The following B3GALT1 variants were observed in gnomAD, a reference collection of about 807,000 sequenced individuals.
B3GALT1 encodes UDP-Gal:betaGlcNAc beta 1,3-galactosyltransferase, polypeptide 1.
In B3GALT1, 10 loss-of-function variants were observed where a neutral mutation model predicts 23.2. The observed-to-expected ratio is 0.43, with a 90% confidence interval of 0.27 to 0.73. The LOEUF (loss-of-function observed/expected upper bound fraction) is 0.73. Ranked by LOEUF, B3GALT1 falls within the 30% of genes least tolerant of loss-of-function variation. The pLI is 0.21. For missense variants in B3GALT1, 299 were observed against 405.4 expected, an observed-to-expected ratio of 0.74 and a Z score of 2.25; for synonymous variants, 156 against 141.5, an observed-to-expected ratio of 1.10 and a Z score of -0.73.
intron 1 of B3GALT1, among the ~76,000 whole-genome samples, chr2:167,438,691 C>T (rs536288034): frequency 2.0e-5 from 3 of 152,230 alleles, no homozygotes; most frequent in African/African-American, 7.2e-5. Context: ...TTCAGGGGCC[C>T]CACAGGGCAG....
intron 1 of B3GALT1, among the ~76,000 whole-genome samples, chr2:167,368,013 C>G (rs987536850): frequency 3.3e-5 from 5 of 152,190 alleles, no homozygotes; most frequent in Non-Finnish European, 7.3e-5. Flanking sequence ...CTGTAGCACT[C>G]TGCTGTGAAT....
At chr2:167,617,625 G>A (rs781023318) in intron 2 of B3GALT1, among the ~76,000 whole-genome samples, 2 of 151,960 alleles carry the variant, frequency 1.3e-5, no homozygotes, top group Non-Finnish European at 2.9e-5. Flanking sequence ...GGAGAAATAG[G>A]CTAGCCCACA....
intron 2 of B3GALT1, among the ~76,000 whole-genome samples, chr2:167,544,248 A>G (rs977997670): frequency 6.6e-5 from 10 of 152,200 alleles, no homozygotes; most frequent in African/African-American, 9.7e-5. Context: ...TCATATAGGT[A>G]CATTGCTGCC....
At chr2:167,570,606 A>C (rs1166957848) in intron 2 of B3GALT1, among the ~76,000 whole-genome samples, 1 of 152,024 alleles carries the variant, frequency 6.6e-6, no homozygotes, top group South Asian at 2.1e-4. Context: ...TTGAATACTC[A>C]GCATTTTTTT....
intron 1 of B3GALT1, among the ~76,000 whole-genome samples, chr2:167,296,655 GT>G (rs1447651160): frequency 6.6e-6 from 1 of 152,084 alleles, no homozygotes; most frequent in East Asian, 1.9e-4. Context: ...TATGATACTG[GT>G]TTATTCAAAT....
chr2:167,444,781 C>T lies in B3GALT1; in HGVS notation c.-510-45396C>T, dbSNP rs866208725. Among the ~76,000 whole-genome samples the T allele has an allele frequency of 1.1e-4, 16 of 152,046 alleles. No individual in the cohort carries two copies. In the East Asian group the frequency reaches 1.2e-3, roughly 11 times the overall value. ...TTTTCTTCTTCATTAGTCTTGCTAGCGGTCTATAATTTTATTGATGTTTTG... is the reference window on the plus strand; with the variant it reads ...TTTTCTTCTTCATTAGTCTTGCTAGTGGTCTATAATTTTATTGATGTTTTG... On this transcript the variant is annotated intron_variant, in intron 1 of 4. Transcript: ENST00000392690.
At chr2:167,482,245 GAA>G (rs935541236) in intron 1 of B3GALT1, among the ~76,000 whole-genome samples, 3 of 152,150 alleles carry the variant, frequency 2.0e-5, no homozygotes, top group Admixed American at 2.0e-4. Flanking sequence ...ATCAAAATCT[GAA>G]GAGATGAATC....
chr2:167,638,618 A>G (rs534742435), intron 2 of B3GALT1, among the ~76,000 whole-genome samples: 102 of 152,200 alleles, frequency 6.7e-4, no homozygotes, highest in African/African-American at 2.4e-3. Flanking sequence ...AATGTTAGTG[A>G]TATAGGAACT....
intron 2 of B3GALT1, among the ~76,000 whole-genome samples, chr2:167,507,065 A>C (rs1417575310): frequency 1.3e-5 from 2 of 152,218 alleles, no homozygotes; most frequent in East Asian, 3.8e-4. Flanking sequence ...CTAAAACCGT[A>C]AAACTGACAT....
chr2:167,713,548 T>C, intron 3 of B3GALT1: 1 of 726,358 alleles, frequency 1.4e-6, no homozygotes, highest in East Asian at 2.6e-5. Flanking sequence ...GAACTGTAAT[T>C]CCATTAAACT....
intron 2 of B3GALT1, among the ~76,000 whole-genome samples, chr2:167,588,232 A>T (rs1684613473): frequency 6.8e-6 from 1 of 148,026 alleles, no homozygotes; most frequent in South Asian, 2.1e-4. Flanking sequence ...TACGTATTTA[A>T]ATCACCTGTG....
rs766301531 is a variant in B3GALT1, at chr2:167,583,639, G to T, written c.-409-63270G>T. Among the ~76,000 whole-genome samples the T allele has an allele frequency of 1.6e-4, 24 of 152,176 alleles. 1 individual carries two copies. The highest frequency in any genetic ancestry group is 2.8e-4 in the Non-Finnish European group (19 of 68,004). On this transcript the variant is annotated intron_variant, in intron 2 of 4. Transcript: ENST00000392690. Reference sequence around the variant, plus strand: ...GGAATATTTGAATGTCTTAAAACTTGATGTCAGCATTCTTTAAAAATTGCA... The same window carrying T: ...GGAATATTTGAATGTCTTAAAACTTTATGTCAGCATTCTTTAAAAATTGCA...
At chr2:167,804,037 C>A (rs1054871682) in intron 3 of B3GALT1, among the ~76,000 whole-genome samples, 3 of 152,108 alleles carry the variant, frequency 2.0e-5, no homozygotes, top group South Asian at 2.1e-4. Flanking sequence ...ACTCTGCTGC[C>A]CAGGCTGGAG....
chr2:167,324,719 T>C (rs1446745493), intron 1 of B3GALT1, among the ~76,000 whole-genome samples: 1 of 152,118 alleles, frequency 6.6e-6, no homozygotes, highest in Non-Finnish European at 1.5e-5. Flanking sequence ...TCGGGTACAT[T>C]TCATAGCTTT....
At chr2:167,530,248 C>T (rs1026533355) in intron 2 of B3GALT1, among the ~76,000 whole-genome samples, 8 of 152,276 alleles carry the variant, frequency 5.3e-5, no homozygotes, top group Admixed American at 5.2e-4. Flanking sequence ...TAAAATAGCA[C>T]TCACATCTCC....
chr2:167,393,345 TA>T (rs1698049071), intron 1 of B3GALT1, among the ~76,000 whole-genome samples: 2 of 151,692 alleles, frequency 1.3e-5, no homozygotes, highest in African/African-American at 4.8e-5. Flanking sequence ...CAAGGTTCAT[TA>T]AAGTAGATTT....
chr2:167,437,970 A>G (rs551563416), intron 1 of B3GALT1, among the ~76,000 whole-genome samples: 1 of 152,352 alleles, frequency 6.6e-6, no homozygotes, highest in Non-Finnish European at 1.5e-5. Flanking sequence ...GTAACAAAAT[A>G]TTAAAATGGC....
At chr2:167,361,212 GTTTT>G (rs66780629) in intron 1 of B3GALT1, among the ~76,000 whole-genome samples, 11 of 104,156 alleles carry the variant, frequency 1.1e-4, no homozygotes, top group African/African-American at 1.4e-4. Flanking sequence ...TCCCCCACTA[GTTTT>G]TTTTTTTTTT....
rs185970667 is a variant in B3GALT1 at position 167,714,662 on chromosome 2, C to T, written c.-352+67696C>T. On this transcript the variant is annotated intron_variant, in intron 3 of 4. Transcript: ENST00000392690. ...ATCATTGAGGTTTCTTTCAGCAGTC[C>T]GAGCTGCCAACCAATTATTATGTCC... 3.1e-4 allele frequency: 505 copies of T among 1,613,786 alleles called. 1 individual carries two copies. In the African/African-American group the frequency reaches 5.8e-3, roughly 19 times the overall value.
Sources: allele counts gnomAD v4.1 joint callset (sites outside exome capture counted in the v4.1 genomes callset), GRCh38; gene constraint gnomAD v4.1.1; transcripts MANE v1.5; gene names NCBI Gene and HGNC (gene_info 2026-07-23, HGNC 2026-07-21).